Variants in UBE2N observed in about 807,000 individuals in gnomAD.
UBE2N encodes the protein ubiquitin-conjugating enzyme E2 N.
For missense variants in UBE2N, 60 were observed against 192.1 expected (o/e 0.31, Z 4.07); for synonymous variants, 70 against 69.2 (o/e 1.01, Z -0.06).
chr12:93,411,355 A>G (rs1878024878), intron 1 of UBE2N, 56 bp from the exon 2 acceptor site: 6 of 1,539,216 alleles, frequency 3.9e-6, no homozygotes, highest in Non-Finnish European at 5.2e-6. Flanking sequence ...CTAGACACCA[A>G]AAGTAAAATT....
chr12:93,441,713 G>A (rs1328360305), intron 1 of UBE2N, 142 bp downstream of exon 1: 9 of 1,162,486 alleles, frequency 7.7e-6, no homozygotes, highest in African/African-American at 1.6e-5. Flanking sequence ...GACTTCCCTC[G>A]CCGCCGCGGC....
At chr12:93,435,416 T>G (rs1878906052) in intron 1 of UBE2N, among the ~76,000 whole-genome samples, 1 of 151,946 alleles carries the variant, frequency 6.6e-6, no homozygotes, top group African/African-American at 2.4e-5. Flanking sequence ...GAGGTTGCAG[T>G]TAGCCGAGAT....
At chr12:93,410,647 T>A in intron 3 of UBE2N, 87 bp downstream of exon 3, 1 of 1,556,936 alleles carries the variant, frequency 6.4e-7, no homozygotes, top group Non-Finnish European at 8.7e-7. Context: ...CTATTTCTTT[T>A]CCTTGCCAAG....
intron 1 of UBE2N, among the ~76,000 whole-genome samples, chr12:93,418,360 T>C (rs1449935077): frequency 6.8e-6 from 1 of 147,100 alleles, no homozygotes; most frequent in East Asian, 2.0e-4. Context: ...AGACCTTGTC[T>C]CTTAAAAACA....
chr12:93,410,261 A>G (rs1192137092), intron 3 of UBE2N, 182 bp from the exon 4 acceptor site: 7 of 566,198 alleles, frequency 1.2e-5, no homozygotes, highest in Admixed American at 3.7e-5. Flanking sequence ...CAATTACCAA[A>G]ACACTACAAT....
chr12:93,423,644 T>C (rs1207684950), intron 1 of UBE2N, among the ~76,000 whole-genome samples: 2 of 152,226 alleles, frequency 1.3e-5, no homozygotes, highest in African/African-American at 2.4e-5. Context: ...CAATGTGATA[T>C]GTGACCACAG....
chr12:93,434,399 G>A (rs1374672673), intron 1 of UBE2N, among the ~76,000 whole-genome samples: 4 of 152,228 alleles, frequency 2.6e-5, no homozygotes, highest in Non-Finnish European at 5.9e-5. Flanking sequence ...ATTTAGCACA[G>A]TGAATACTAA....
rs1224781623 is a variant in UBE2N at position 93,407,448 on chromosome 12, A to G, written c.*2591T>C. 6.6e-6 allele frequency: 1 copy of G among 152,234 alleles called. No homozygotes were observed. The highest frequency in any genetic ancestry group is 1.5e-5 in the Non-Finnish European group (1 of 68,048). 9.4% of individuals were successfully genotyped at this position (152,234 alleles called of 1,614,324 possible). A position where few individuals can be genotyped will look rare whatever the true frequency, so the allele number is the denominator to read the frequency against. On this transcript the variant is annotated 3_prime_UTR_variant, in exon 4 of 4. Transcript: ENST00000318066. ...TTGAATAATGTGTTTCCTTTAGCCC[A>G]GGGATTACAAAGTCAAAGGCTTACA...
At chr12:93,432,164 A>G (rs76759841) in intron 1 of UBE2N, among the ~76,000 whole-genome samples, 18,777 of 152,172 alleles carry the variant, frequency 0.12, 3,733 homozygotes, top group African/African-American at 0.42. Flanking sequence ...CCCGGGAGGC[A>G]GAGGTTGCAG....
At chr12:93,411,829 G>C (rs745579353) in intron 1 of UBE2N, among the ~76,000 whole-genome samples, 1 of 152,074 alleles carries the variant, frequency 6.6e-6, no homozygotes, top group Non-Finnish European at 1.5e-5. Context: ...GAGTAGCTGG[G>C]ATTACAGGTG....
chr12:93,439,265 T>C (rs972834880), intron 1 of UBE2N, among the ~76,000 whole-genome samples: 3 of 152,118 alleles, frequency 2.0e-5, no homozygotes, highest in Admixed American at 6.5e-5. Context: ...AATGGGTGGA[T>C]TGTGTGAGGT....
chr12:93,416,422 C>T (rs1878210053), intron 1 of UBE2N, among the ~76,000 whole-genome samples: 1 of 151,532 alleles, frequency 6.6e-6, no homozygotes, highest in South Asian at 2.1e-4. Context: ...AAGTAAAGGG[C>T]TAAAATTCCT....
intron 1 of UBE2N, among the ~76,000 whole-genome samples, chr12:93,438,284 A>G (rs1256002296): frequency 6.6e-6 from 1 of 152,204 alleles, no homozygotes; most frequent in Non-Finnish European, 1.5e-5. Context: ...GCACTTATAC[A>G]GAAGAAAGGG....
intron 1 of UBE2N, among the ~76,000 whole-genome samples, chr12:93,419,751 G>A (rs1046653644): frequency 6.6e-6 from 1 of 152,072 alleles, no homozygotes; most frequent in African/African-American, 2.4e-5. Context: ...CCTTGCTTTG[G>A]TAAAACCAAA....
At position 93,409,345 on chromosome 12, in the gene UBE2N, AC is replaced by A. The variant is rs1351353654; in HGVS notation, c.*693del. On this transcript the variant is annotated 3_prime_UTR_variant, in exon 4 of 4. Coordinates refer to ENST00000318066, the MANE Select transcript of UBE2N (RefSeq NM_003348.4). ...AAATAAACACAGTAAAATAAACTGT[AC>A]AAAGGCAAAGTAGAATAACAAAAAA... 9 of 162,258 alleles carry A rather than the reference AC, an allele frequency of 5.5e-5. No individual in the cohort carries two copies. The highest frequency in any genetic ancestry group is 1.9e-4 in the African/African-American group (8 of 41,596). The allele number at this position is 162,258 out of a possible 1,614,324, so 10.1% of individuals were successfully genotyped here. A position where few individuals can be genotyped will look rare whatever the true frequency, so the allele number is the denominator to read the frequency against.
intron 1 of UBE2N, among the ~76,000 whole-genome samples, chr12:93,414,503 C>T (rs1255486217): frequency 6.7e-6 from 1 of 150,048 alleles, no homozygotes; most frequent in South Asian, 2.1e-4. Context: ...CCCCAAAAGA[C>T]GCTCTATATG....
At chr12:93,420,934 C>T (rs1268426005) in intron 1 of UBE2N, among the ~76,000 whole-genome samples, 2 of 152,088 alleles carry the variant, frequency 1.3e-5, no homozygotes, top group Non-Finnish European at 2.9e-5. Flanking sequence ...AAAGCAGGGA[C>T]CACATGCAAT....
chr12:93,410,137 C>A, intron 3 of UBE2N, 58 bp from the exon 4 acceptor site: 1 of 1,533,486 alleles, frequency 6.5e-7, no homozygotes, highest in South Asian at 1.1e-5. Flanking sequence ...TGTTACTTTC[C>A]AAACTATAAA....
chr12:93,416,152 T>C (rs1878200554), intron 1 of UBE2N, among the ~76,000 whole-genome samples: 1 of 152,110 alleles, frequency 6.6e-6, no homozygotes, highest in Admixed American at 6.5e-5. Flanking sequence ...TTGGTTTCCC[T>C]AACAAACCCA....
Sources: allele counts gnomAD v4.1 joint callset (sites outside exome capture counted in the v4.1 genomes callset), GRCh38; gene constraint gnomAD v4.1.1; transcripts MANE v1.5; gene names NCBI Gene and HGNC (gene_info 2026-07-23, HGNC 2026-07-21).